The following TSEN15 variants were observed in gnomAD, a reference collection of about 807,000 sequenced individuals.
The protein encoded by TSEN15 is tRNA-splicing endonuclease subunit Sen15.
In TSEN15, 10 loss-of-function variants were observed where a neutral mutation model predicts 20.5. The observed-to-expected ratio is 0.49, with a 90% CI of 0.30 to 0.83. The LOEUF (loss-of-function observed/expected upper bound fraction) is 0.83, where lower values mean the gene tolerates loss of function less well. Among genes scored for constraint, TSEN15 ranks in the 40% least tolerant of loss-of-function variants. The pLI is 0.06. For synonymous variants in TSEN15, 72 were observed against 80.1 expected, an observed-to-expected ratio of 0.90 and a Z score of 0.54; for missense variants, 180 against 218.6, an observed-to-expected ratio of 0.82 and a Z score of 1.11.
At chr1:184,071,414 G>T (rs1347064638) in intron 3 of TSEN15, among the ~76,000 whole-genome samples, 1 of 151,728 alleles carries the variant, frequency 6.6e-6, no homozygotes, top group African/African-American at 2.4e-5. Context: ...TTTATAAAAA[G>T]AAAATTATTT....
intron 3 of TSEN15, chr1:184,058,136 A>T: frequency 2.3e-6 from 1 of 426,616 alleles, no homozygotes; most frequent in South Asian, 1.8e-5. Flanking sequence ...ATTTGTTTCC[A>T]TTGTTAATTT....
chr1:184,082,678 T>C (rs879531471), intron 3 of TSEN15, among the ~76,000 whole-genome samples: 6 of 152,308 alleles, frequency 3.9e-5, no homozygotes, highest in Admixed American at 3.3e-4. Context: ...CTTCCACTTT[T>C]GCTACTTTTT....
chr1:184,059,161 C>A, intron 3 of TSEN15, among the ~76,000 whole-genome samples: 1 of 150,546 alleles, frequency 6.6e-6, no homozygotes, highest in East Asian at 2.0e-4. Flanking sequence ...AATTGAATAA[C>A]AAGTATTATG....
intron 3 of TSEN15, among the ~76,000 whole-genome samples, chr1:184,093,415 TG>T (rs950579173): frequency 5.3e-5 from 8 of 152,252 alleles, no homozygotes; most frequent in African/African-American, 1.9e-4. Flanking sequence ...TATTTTGGGG[TG>T]ACCTTGGGTA....
Position 184,079,793 on chromosome 1 carries a change from C to G in TSEN15, c.354-15897C>G, listed in dbSNP as rs535530153. 8.4e-4 allele frequency among the ~76,000 whole-genome samples: 128 copies of G among 152,244 alleles called. 1 individual carries two copies. Among genetic ancestry groups the G allele is most frequent in the African/African-American group, 3.0e-3 (123 of 41,558 alleles). On this transcript the variant is annotated intron_variant, in intron 3 of 3. Transcript: ENST00000643231. The stretch of plus-strand genomic sequence containing the variant: ...GGGTACATAATGCAGTCCATATAAA[C>G]TGGGCTCCTTCTCTGTGCTCAGATA...
chr1:184,051,970 C>G, intron 1 of TSEN15, 80 bp downstream of exon 1: 1 of 1,307,568 alleles, frequency 7.6e-7, no homozygotes, highest in Non-Finnish European at 9.8e-7. Flanking sequence ...CTCTTTCTTT[C>G]TTCCTCAGTG....
intron 3 of TSEN15, among the ~76,000 whole-genome samples, chr1:184,090,849 A>G (rs1184066256): frequency 6.6e-6 from 1 of 152,142 alleles, no homozygotes; most frequent in Non-Finnish European, 1.5e-5. Context: ...CACTGTGGGT[A>G]GGGGACTGAC....
At chr1:184,075,359 A>G (rs977439173), downstream of TSEN15, among the ~76,000 whole-genome samples, 4 of 152,138 alleles carry the variant, frequency 2.6e-5, no homozygotes, top group Non-Finnish European at 5.9e-5. Flanking sequence ...TTTAATGAAA[A>G]ACTAGATAAA....
chr1:184,081,138 A>G (rs184859320), intron 3 of TSEN15, among the ~76,000 whole-genome samples: 20 of 152,332 alleles, frequency 1.3e-4, no homozygotes, highest in Middle Eastern at 3.4e-3. Context: ...ATACCTGTGT[A>G]TGAACTACAC....
intron 3 of TSEN15, among the ~76,000 whole-genome samples, chr1:184,067,941 A>ATATATAT (rs1553220588): frequency 3.1e-5 from 3 of 95,574 alleles, no homozygotes; most frequent in African/African-American, 4.2e-5. Flanking sequence ...AAAAAAAAAA[A>ATATATAT]ATATATATAT....
In TSEN15 at chr1:184,072,495, C is replaced by CA. The variant is rs34615524; in HGVS notation, c.495+207dup. 73,949 of 513,920 alleles carry CA rather than the reference C, an allele frequency of 0.14. 4,753 individuals carry two copies. The highest frequency in any genetic ancestry group is 0.31 in the African/African-American group (15,353 of 49,000). 31.8% of individuals were successfully genotyped at this position (513,920 alleles called of 1,614,324 possible). ...AGTAGCATGTTCCTAGTTATTTTTG[C>CA]AAAAAAAAAATTGATTTCCTTACTC... is the stretch of plus-strand genomic sequence containing the variant. On this transcript the variant is annotated intron_variant, in intron 4 of 4. Coordinates refer to ENST00000645668, the MANE Select transcript of TSEN15 (RefSeq NM_052965.4).
intron 3 of TSEN15, chr1:184,095,438 G>A: frequency 2.6e-6 from 1 of 381,742 alleles, no homozygotes; most frequent in Non-Finnish European, 4.6e-6. Flanking sequence ...TGGACTGATT[G>A]TGTCCCTCTC....
intron 3 of TSEN15, among the ~76,000 whole-genome samples, chr1:184,083,617 T>C (rs1247421150): frequency 6.6e-6 from 1 of 152,180 alleles, no homozygotes; most frequent in Non-Finnish European, 1.5e-5. Flanking sequence ...GTTTTGAATA[T>C]TGGGTGAAAA....
At chr1:184,070,804 T>TTCACAA in intron 3 of TSEN15, 1 of 490,574 alleles carries the variant, frequency 2.0e-6, no homozygotes, top group Non-Finnish European at 2.9e-6. Flanking sequence ...ATCATTCTTG[T>TTCACAA]GAATAAGAAT....
chr1:184,080,433 T>C (rs1334504697), intron 3 of TSEN15, among the ~76,000 whole-genome samples: 1 of 152,198 alleles, frequency 6.6e-6, no homozygotes, highest in South Asian at 2.1e-4. Context: ...CAGAATATTA[T>C]GTTGCCTTTT....
intron 3 of TSEN15, among the ~76,000 whole-genome samples, chr1:184,057,796 G>A (rs1341592164): frequency 6.6e-6 from 1 of 152,010 alleles, no homozygotes; most frequent in Non-Finnish European, 1.5e-5. Flanking sequence ...ATGCTTCTTT[G>A]AGAAGCTCCT....
rs962905646 is a variant in TSEN15, at chr1:184,054,511, T to G, written c.217+76T>G. ...GGGGGGTTGGATTGGGATATAGCATTCTTAACATAATAAGCAATCTTTTAT... is the reference window on the plus strand; with the variant it reads ...GGGGGGTTGGATTGGGATATAGCATGCTTAACATAATAAGCAATCTTTTAT... On this transcript the variant is annotated intron_variant, in intron 2 of 4. Transcript: ENST00000645668. 2.4e-6 allele frequency: 3 copies of G among 1,254,798 alleles called. No homozygotes were observed. In the African/African-American group the frequency reaches 4.5e-5, roughly 19 times the overall value. The allele number at this position is 1,254,798 out of a possible 1,614,324, so 77.7% of individuals were successfully genotyped here.
chr1:184,076,730 C>G (rs1321012280), downstream of TSEN15, among the ~76,000 whole-genome samples: 2 of 152,082 alleles, frequency 1.3e-5, no homozygotes, highest in African/African-American at 4.8e-5. Context: ...AGTGAAACAG[C>G]CTTATTGTTG....
At position 184,054,395 on chromosome 1, in the gene TSEN15, A is replaced by T. The variant is rs1046934; in HGVS notation, c.177A>T (p.Gln59His). ...AATTAGATATAGGAGATGCCACCCA[A>T]GTTTATGTAGCGTTCTTGGTTTACC... ...MMELDIGDATQVYVAFLVYLD... is the reference protein window; with the variant it reads ...MMELDIGDATHVYVAFLVYLD... Residue 59 changes from glutamine to histidine, a missense_variant, in exon 2 of 5, where the codon CAA (glutamine) becomes CAT (histidine). Gln to His is a conservative substitution (Grantham distance 24). Transcript: ENST00000645668. 1.2e-6 allele frequency: 2 copies of T among 1,608,746 alleles called. No homozygotes were observed. Among genetic ancestry groups the T allele is most frequent in the Middle Eastern group, 1.7e-4 (1 of 6,054 alleles).
Sources: gnomAD v4.1 joint callset for allele counts (sites outside exome capture counted in the v4.1 genomes callset) on GRCh38, gnomAD v4.1.1 for gene constraint, MANE v1.5 for transcripts, NCBI Gene and HGNC (gene_info 2026-07-23, HGNC 2026-07-21) for gene names.